PDP1: variants seen among roughly 807,000 people sequenced by gnomAD.
The protein encoded by PDP1 is pyruvate dehydrogenase phosphatase catalytic subunit 1, also known as pyruvate dehyrogenase phosphatase catalytic subunit 1.
In PDP1, 14 loss-of-function variants were observed where a neutral mutation model predicts 37.1. That is an observed-to-expected ratio of 0.38 (90% CI 0.25 to 0.59). PDP1 has a LOEUF of 0.59. PDP1 is among the 20% of genes least tolerant of loss of function. The pLI, the probability that PDP1 is intolerant of heterozygous loss-of-function variation, is 0.67. For synonymous variants in PDP1, 251 were observed against 243.3 expected (o/e 1.03, Z -0.29); for missense variants, 544 against 655.3 (o/e 0.83, Z 1.85).
In PDP1 at chr8:93,922,018, A is replaced by G. The variant is rs368896704; in HGVS notation, c.-42A>G. 10 of 1,581,874 alleles carry G rather than the reference A, an allele frequency of 6.3e-6. No individual in the cohort carries two copies. The African/African-American group carries it at 1.2e-4, about 19-fold the overall frequency. On this transcript the variant is annotated splice_region_variant and 5_prime_UTR_variant, in exon 2 of 2. Transcript: ENST00000297598. The surrounding 1 kb of genome is among the most constrained non-coding windows in gnomAD (Gnocchi z 4.0). The stretch of plus-strand genomic sequence containing the variant: ...CATCTGTCTAATTTGCTGTCTAGGA[A>G]TCCCAGTCAGAAGTTCCAGCCTGCC...
chr8:93,917,806 T>A, intron 1 of PDP1: 1 of 1,477,666 alleles, frequency 6.8e-7, no homozygotes. Flanking sequence ...CGCCGCCGCC[T>A]CCTCTAATGA....
chr8:93,923,410 T>C lies in PDP1; in HGVS notation c.1351T>C (p.Tyr451His). ...HHQQPIAVGGYKVTLGQMHGL... is the reference protein window; with the variant it reads ...HHQQPIAVGGHKVTLGQMHGL... ...CCAACAGCCAATAGCTGTTGGTGGC[T>C]ACAAGGTGACTCTGGGACAGATGCA... Residue 451 changes from tyrosine to histidine, a missense_variant, in exon 2 of 2, where the codon TAC becomes CAC. Physicochemically the swap from Tyr to His is moderately conservative, Grantham distance 83 (BLOSUM62 2). Coordinates refer to ENST00000297598, the MANE Select transcript of PDP1 (RefSeq NM_018444.4). The surrounding 1 kb of genome is among the most constrained non-coding windows in gnomAD (Gnocchi z 4.3). 6.2e-7 allele frequency: 1 copy of C among 1,606,166 alleles called. No homozygotes were observed. Among genetic ancestry groups the C allele is most frequent in the South Asian group, 1.1e-5 (1 of 90,342 alleles).
chr8:93,920,895 C>G (rs918891332), intron 1 of PDP1: 3 of 947,870 alleles, frequency 3.2e-6, no homozygotes, highest in Non-Finnish European at 3.8e-6. Flanking sequence ...TTACCATATC[C>G]AAGAAAACAT....
At position 93,925,180 on chromosome 8, in the gene PDP1, A is replaced by G. The variant is rs1013570287; in HGVS notation, c.*1507A>G. The G allele has an allele frequency of 1.1e-4, 19 of 167,084 alleles. No individual in the cohort carries two copies. Among genetic ancestry groups the G allele is most frequent in the African/African-American group, 4.1e-4 (17 of 41,456 alleles). 10.4% of individuals were successfully genotyped at this position (167,084 alleles called of 1,614,324 possible). A position where few individuals can be genotyped will look rare whatever the true frequency, so the allele number is the denominator to read the frequency against. Reference sequence around the variant, plus strand: ...TGGGGATATGAACTAGATGTTCAAGAACTCCTTCTGGACTGTGGATACTGA... The same window carrying G: ...TGGGGATATGAACTAGATGTTCAAGGACTCCTTCTGGACTGTGGATACTGA... On this transcript the variant is annotated 3_prime_UTR_variant, in exon 2 of 2. Transcript: ENST00000297598.
chr8:93,920,214 CAAG>C (rs1490953808), intron 1 of PDP1, among the ~76,000 whole-genome samples: 2 of 152,146 alleles, frequency 1.3e-5, no homozygotes, highest in East Asian at 1.9e-4. Context: ...CAGAAACAAA[CAAG>C]AATCAGTGAT....
chr8:93,919,227 T>C lies in PDP1; in HGVS notation c.-45+2148T>C, dbSNP rs534609516. On this transcript the variant is annotated intron_variant, in intron 1 of 1. Coordinates refer to ENST00000297598, the MANE Select transcript of PDP1 (RefSeq NM_018444.4). ...TTCATTTTGCAGTCAATTACAAAAGTAGAAAAGATGTCATACCAAGCCGGG... is the reference window on the plus strand; with the variant it reads ...TTCATTTTGCAGTCAATTACAAAAGCAGAAAAGATGTCATACCAAGCCGGG... The C allele has an allele frequency of 1.1e-4, 65 of 617,396 alleles. 2 individuals carry two copies. The South Asian group carries it at 4.3e-3, about 41-fold the overall frequency. The allele number at this position is 617,396 out of a possible 1,614,324, so 38.2% of individuals were successfully genotyped here.
rs370390664 is a variant in PDP1 at position 93,923,506 on chromosome 8, A to G, written c.1447A>G (p.Ile483Val). ...GGATCAGAACGCAGCAACCCATCTC[A>G]TTCGCCACGCTGTGGGCAACAACGA... ...FEDQNAATHL[I>V]RHAVGNNEFG... The change falls in exon 2 of 2, where the codon ATT (isoleucine) becomes GTT (valine). Residue 483 changes from isoleucine (I) to valine (V), a missense_variant. Transcript: ENST00000297598. The surrounding 1 kb of genome is among the most constrained non-coding windows in gnomAD (Gnocchi z 4.3). The G allele has an allele frequency of 4.4e-6, 7 of 1,606,176 alleles. No individual in the cohort carries two copies. The highest frequency in any genetic ancestry group is 5.1e-6 in the Non-Finnish European group (6 of 1,173,412).
In PDP1 at chr8:93,922,078, C is replaced by A; in HGVS notation, c.19C>A (p.Leu7Met). 1 of 1,612,202 alleles carries A rather than the reference C, an allele frequency of 6.2e-7. No homozygotes were observed. The highest frequency in any genetic ancestry group is 8.5e-7 in the Non-Finnish European group (1 of 1,178,486). Residue 7 changes from leucine (L) to methionine (M), a missense_variant, in exon 2 of 2, where the codon CTG (leucine) becomes ATG (methionine). By Grantham distance (15) the Leu-to-Met change is conservative (BLOSUM62 2). This residue lies in a region of PDP1 where 342 missense variants were observed against 414.0 expected (regional missense o/e 0.83). Transcript: ENST00000297598. This position sits in a 1 kb window ranked among gnomAD's most constrained non-coding sequence, Gnocchi z 4.0. MPAPTQ[L>M]FFPLIRNCEL... ...TGATGCCATGCCAGCACCAACTCAA[C>A]TGTTTTTTCCTCTCATCCGTAACTG... is the stretch of plus-strand genomic sequence containing the variant.
Position 93,923,503 on chromosome 8 carries a change from C to A in PDP1, c.1444C>A (p.Leu482Ile). 6.2e-7 allele frequency: 1 copy of A among 1,606,200 alleles called. No individual in the cohort carries two copies. Residue 482 changes from leucine (L) to isoleucine (I), a missense_variant, in exon 2 of 2, where the codon CTC becomes ATC. Physicochemically the swap from Leu to Ile is conservative, Grantham distance 5 (BLOSUM62 2). Around this residue, in one of 5 missense-constraint regions of PDP1, gnomAD observed 159 missense variants for 165.5 expected, o/e 0.96. Transcript: ENST00000297598. The surrounding 1 kb of genome is among the most constrained non-coding windows in gnomAD (Gnocchi z 4.3). ...VFEDQNAATHLIRHAVGNNEF... is the reference protein window; with the variant it reads ...VFEDQNAATHIIRHAVGNNEF... ...TGAGGATCAGAACGCAGCAACCCAT[C>A]TCATTCGCCACGCTGTGGGCAACAA...
At chr8:93,920,353 T>C (rs1045380800) in intron 1 of PDP1, among the ~76,000 whole-genome samples, 4 of 152,228 alleles carry the variant, frequency 2.6e-5, no homozygotes, top group African/African-American at 9.6e-5. Context: ...TGTTTAGCCG[T>C]GGGAAGGAAT....
intron 1 of PDP1, chr8:93,921,593 C>T (rs1257042624): frequency 1.9e-5 from 3 of 157,698 alleles, no homozygotes; most frequent in African/African-American, 4.8e-5. Context: ...GAAGAAGTCC[C>T]TGTGTAAAAT....
rs1232628417 is a variant in PDP1 at position 93,922,308 on chromosome 8, A to G, written c.249A>G (p.Pro83=). 3 of 1,614,124 alleles carry G rather than the reference A, an allele frequency of 1.9e-6. No homozygotes were observed. The highest frequency in any genetic ancestry group is 2.2e-5 in the East Asian group (1 of 44,904). ...STPQKFYLTP[P]QVNSILKANE... ...CACAGAAATTTTACCTCACACCTCCACAAGTCAATAGCATCCTTAAAGCTA... is the reference window on the plus strand; with the variant it reads ...CACAGAAATTTTACCTCACACCTCCGCAAGTCAATAGCATCCTTAAAGCTA... Residue 83 remains proline, a synonymous_variant, in exon 2 of 2, where the codon CCA becomes CCG. Transcript: ENST00000297598. The surrounding 1 kb of genome is among the most constrained non-coding windows in gnomAD (Gnocchi z 4.0).
Position 93,920,975 on chromosome 8 carries a change from T to A in PDP1, c.-44-1041T>A, listed in dbSNP as rs1194340276. The A allele has an allele frequency of 6.1e-6, 6 of 984,150 alleles. No individual in the cohort carries two copies. In the East Asian group the frequency reaches 5.7e-4, roughly 93 times the overall value. The allele number at this position is 984,150 out of a possible 1,614,324, so 61.0% of individuals were successfully genotyped here. Reference sequence around the variant, plus strand: ...TACTTCTATGGGTTTTCCTTATAGCTGCTAAGCAGGGAACATTGTTAGTAG... The same window carrying A: ...TACTTCTATGGGTTTTCCTTATAGCAGCTAAGCAGGGAACATTGTTAGTAG... On this transcript the variant is annotated intron_variant, in intron 1 of 1. Transcript: ENST00000297598.
chr8:93,921,295 T>G, intron 1 of PDP1: 1 of 985,282 alleles, frequency 1.0e-6, no homozygotes, highest in South Asian at 4.7e-5. Flanking sequence ...GTGGCAGACC[T>G]ATGCCCGTTA....
At chr8:93,919,777 T>C (rs897812733) in intron 1 of PDP1, 1 of 152,186 alleles carries the variant, frequency 6.6e-6, no homozygotes, top group Admixed American at 6.5e-5. Flanking sequence ...TTTTTAATGA[T>C]AGAAAACCTT....
rs1810366469 is a variant in PDP1, at chr8:93,923,929, A to G, written c.*256A>G. ...TTCTTTATCACAGGTGTCTTGAAAC[A>G]TTAGCTTCTTTTACCAACCTGAGAA... On this transcript the variant is annotated 3_prime_UTR_variant, in exon 2 of 2. Transcript: ENST00000297598. The surrounding 1 kb of genome is among the most constrained non-coding windows in gnomAD (Gnocchi z 4.3). The G allele has an allele frequency of 2.2e-6, 1 of 453,716 alleles. No individual in the cohort carries two copies. The highest frequency in any genetic ancestry group is 2.0e-5 in the African/African-American group (1 of 50,180). The allele number at this position is 453,716 out of a possible 1,614,324, so 28.1% of individuals were successfully genotyped here.
rs1810347404 is a variant in PDP1, at chr8:93,923,440, C to G, written c.1381C>G (p.Leu461Val). The G allele has an allele frequency of 6.3e-7, 1 of 1,596,844 alleles. No homozygotes were observed. Among genetic ancestry groups the G allele is most frequent in the Admixed American group, 1.7e-5 (1 of 58,702 alleles). The change falls in exon 2 of 2, where the codon CTT becomes GTT. Residue 461 changes from leucine to valine, a missense_variant. Physicochemically the swap from Leu to Val is conservative, Grantham distance 32 (BLOSUM62 1). Coordinates refer to ENST00000297598, the MANE Select transcript of PDP1 (RefSeq NM_018444.4). The surrounding 1 kb of genome is among the most constrained non-coding windows in gnomAD (Gnocchi z 4.3). ...YKVTLGQMHG[L>V]LTERRTKMSS... is the part of the protein sequence containing the mutation. Reference sequence around the variant, plus strand: ...GGTGACTCTGGGACAGATGCATGGCCTTTTAACAGAAAGGAGAACCAAAAT... The same window carrying G: ...GGTGACTCTGGGACAGATGCATGGCGTTTTAACAGAAAGGAGAACCAAAAT...
chr8:93,919,520 C>T (rs1452956836), intron 1 of PDP1, among the ~76,000 whole-genome samples: 1 of 118,440 alleles, frequency 8.4e-6, no homozygotes, highest in Non-Finnish European at 1.6e-5. Context: ...AAAAAAATGT[C>T]GAAGCAAAGG....
intron 1 of PDP1, chr8:93,919,729 TTA>T (rs1425750203): frequency 1.3e-5 from 2 of 150,472 alleles, no homozygotes; most frequent in African/African-American, 4.9e-5. Context: ...AGTCATAAAA[TTA>T]TGAAGAAAAA....
Sources: allele counts gnomAD v4.1 joint callset (sites outside exome capture counted in the v4.1 genomes callset), GRCh38; gene constraint gnomAD v4.1.1; regional missense constraint gnomAD v4.1.1; non-coding constraint Gnocchi (gnomAD v3.1); transcripts MANE v1.5; gene names NCBI Gene and HGNC (gene_info 2026-07-23, HGNC 2026-07-21).